NBEA: variants seen among roughly 807,000 people sequenced by gnomAD.
NBEA encodes lysosomal-trafficking regulator 2.
In NBEA, 44 loss-of-function variants were observed where a neutral mutation model predicts 343.4. That is an observed-to-expected ratio of 0.13 (90% confidence interval 0.10 to 0.16). The LOEUF (loss-of-function observed/expected upper bound fraction) is 0.16, where lower values mean the gene tolerates loss of function less well. Ranked by LOEUF, NBEA falls within the 10% of genes least tolerant of loss-of-function variation. The pLI is 1.00. For synonymous variants in NBEA, 1,175 were observed against 1,238.7 expected (o/e 0.95, Z 1.08); for missense variants, 2,555 against 3,631.3 (o/e 0.70, Z 7.62).
rs571819698 is a variant in NBEA, at chr13:35,156,454, A to T, written c.2651+248A>T. Among the ~76,000 whole-genome samples the T allele has an allele frequency of 2.8e-4, 42 of 152,232 alleles. 1 individual carries two copies. In the Middle Eastern group the frequency reaches 0.01, roughly 37 times the overall value. ...TGAATATACATATAAACAAACTCTT[A>T]TTTAGAATGTAATATCCCTTTTAGT... On this transcript the variant is annotated intron_variant, in intron 20 of 58. Coordinates refer to ENST00000379939, the MANE Select transcript of NBEA (RefSeq NM_001385012.1).
intron 1 of NBEA, among the ~76,000 whole-genome samples, chr13:35,009,129 A>G (rs930054747): frequency 5.3e-5 from 8 of 152,166 alleles, no homozygotes; most frequent in Non-Finnish European, 8.8e-5. Context: ...GACTATGTAA[A>G]TATTTGCTGA....
At chr13:35,617,974 T>A (rs1438801332) in intron 48 of NBEA, among the ~76,000 whole-genome samples, 1 of 152,212 alleles carries the variant, frequency 6.6e-6, no homozygotes, top group East Asian at 1.9e-4. Context: ...CTGTATTTTT[T>A]ATGTTGTTTT....
intron 48 of NBEA, among the ~76,000 whole-genome samples, chr13:35,606,984 T>G (rs2082305195): frequency 6.6e-6 from 1 of 152,228 alleles, no homozygotes; most frequent in Non-Finnish European, 1.5e-5. Flanking sequence ...AGAACATATT[T>G]ATATGTGCGA....
chr13:35,384,545 AGAGG>A (rs1342098911), intron 38 of NBEA, among the ~76,000 whole-genome samples: 1 of 94,880 alleles, frequency 1.1e-5, no homozygotes, highest in Non-Finnish European at 2.0e-5. Flanking sequence ...TTTTTTTTTG[AGAGG>A]GAGTCTCGCT....
chr13:35,071,665 A>G (rs564782860), intron 10 of NBEA, among the ~76,000 whole-genome samples: 33 of 152,150 alleles, frequency 2.2e-4, no homozygotes, highest in African/African-American at 7.5e-4. Context: ...ATATATACAT[A>G]TACATGAGCT....
At chr13:34,959,211 A>T (rs1019087641) in intron 1 of NBEA, among the ~76,000 whole-genome samples, 35 of 152,028 alleles carry the variant, frequency 2.3e-4, no homozygotes, top group African/African-American at 8.2e-4. Flanking sequence ...TACTTTTCAT[A>T]TTGTAAGTTT....
chr13:35,068,668 G>A (rs2063747461), intron 8 of NBEA, among the ~76,000 whole-genome samples: 1 of 152,122 alleles, frequency 6.6e-6, no homozygotes, highest in African/African-American at 2.4e-5. Context: ...ATAACTAATG[G>A]TTTGCATCCA....
At chr13:35,594,991 A>ACACACACAC (rs35723951) in intron 47 of NBEA, among the ~76,000 whole-genome samples, 8 of 142,674 alleles carry the variant, frequency 5.6e-5, no homozygotes, top group South Asian at 2.2e-4. Flanking sequence ...ACACACACAC[A>ACACACACAC]AATTGGCTTT....
At chr13:35,182,557 T>G (rs765872181) in intron 29 of NBEA, 29 bp downstream of exon 29, 5 of 1,574,204 alleles carry the variant, frequency 3.2e-6, no homozygotes, top group African/African-American at 1.4e-5. Context: ...TTATTTGAAT[T>G]TTCACCATGA....
chr13:35,189,079 G>T (rs1593671203), intron 30 of NBEA, among the ~76,000 whole-genome samples: 1 of 151,420 alleles, frequency 6.6e-6, no homozygotes. Context: ...CCACCATGCT[G>T]GGCTAATTTT....
intron 38 of NBEA, among the ~76,000 whole-genome samples, chr13:35,360,895 T>G (rs1297846473): frequency 6.6e-6 from 1 of 151,806 alleles, no homozygotes; most frequent in Non-Finnish European, 1.5e-5. Context: ...CACTGAATCA[T>G]CAGAAGAAGA....
Position 35,555,040 on chromosome 13 carries a change from A to T in NBEA, c.6860A>T (p.Gln2287Leu). 6.2e-7 allele frequency: 1 copy of T among 1,612,666 alleles called. No individual in the cohort carries two copies. The highest frequency in any genetic ancestry group is 8.5e-7 in the Non-Finnish European group (1 of 1,179,114). ...RQLYKSSNMT[Q>L]RWQRREISNF... The stretch of plus-strand genomic sequence containing the variant: ...CTTTATAAATCTTCCAATATGACTC[A>T]GCGCTGGCAAAGAAGGGAAATTTCA... Residue 2287 changes from glutamine (Q) to leucine (L), a missense_variant, in exon 44 of 59, where the codon CAG (glutamine) becomes CTG (leucine). Gln to Leu is a moderately radical substitution (Grantham distance 113). Coordinates refer to ENST00000379939, the MANE Select transcript of NBEA (RefSeq NM_001385012.1).
At chr13:35,158,575 T>C (rs1425104427) in intron 21 of NBEA, among the ~76,000 whole-genome samples, 1 of 152,140 alleles carries the variant, frequency 6.6e-6, no homozygotes, top group Non-Finnish European at 1.5e-5. Context: ...ATGTGTGAAT[T>C]TTTTAACATC....
chr13:35,092,964 T>C (rs900072361), intron 10 of NBEA, among the ~76,000 whole-genome samples: 1 of 151,988 alleles, frequency 6.6e-6, no homozygotes, highest in Non-Finnish European at 1.5e-5. Flanking sequence ...AATGAATGGG[T>C]ATACAAGCTG....
intron 1 of NBEA, among the ~76,000 whole-genome samples, chr13:34,984,079 C>T (rs1462902007): frequency 6.6e-6 from 1 of 152,058 alleles, no homozygotes; most frequent in Non-Finnish European, 1.5e-5. Flanking sequence ...GTTGCCATTG[C>T]TTTTGGTGTT....
At chr13:35,571,626 A>G (rs1034080647) in intron 45 of NBEA, among the ~76,000 whole-genome samples, 2 of 152,166 alleles carry the variant, frequency 1.3e-5, no homozygotes. Context: ...AAATTTCCAT[A>G]ATTGTCATTT....
intron 45 of NBEA, among the ~76,000 whole-genome samples, chr13:35,574,907 G>A (rs1424824312): frequency 5.3e-5 from 8 of 151,844 alleles, no homozygotes; most frequent in Admixed American, 6.6e-5. Context: ...GCACCACCAC[G>A]CCTGGCTAAT....
At chr13:35,434,996 A>G (rs138396905) in intron 39 of NBEA, among the ~76,000 whole-genome samples, 2,003 of 152,210 alleles carry the variant, frequency 0.013, 53 homozygotes, top group African/African-American at 0.046. Flanking sequence ...AAAAGATAAG[A>G]TAGATTATTA....
intron 34 of NBEA, among the ~76,000 whole-genome samples, chr13:35,283,912 A>AGT (rs1409622670): frequency 1.3e-5 from 2 of 151,678 alleles, no homozygotes; most frequent in African/African-American, 4.8e-5. Flanking sequence ...TAGATGTGTA[A>AGT]GTGTGTGTAT....
Sources: gnomAD v4.1 joint callset for allele counts (sites outside exome capture counted in the v4.1 genomes callset) on GRCh38, gnomAD v4.1.1 for gene constraint, MANE v1.5 for transcripts, NCBI Gene and HGNC (gene_info 2026-07-23, HGNC 2026-07-21) for gene names.